The following TBC1D10A variants were observed in gnomAD, a reference collection of about 807,000 sequenced individuals.
The protein encoded by TBC1D10A is EBP50-PDX interactor of 64 kDa.
A neutral mutation model predicts 52.9 loss-of-function variants in TBC1D10A; 24 were observed. That is an observed-to-expected ratio of 0.45 (90% confidence interval 0.33 to 0.64). The LOEUF is 0.64. Ranked by LOEUF, TBC1D10A falls within the 30% of genes least tolerant of loss-of-function variation. The pLI, the probability that TBC1D10A is intolerant of heterozygous loss-of-function variation, is 0.02. For synonymous variants in TBC1D10A, 278 were observed against 282.9 expected, an observed-to-expected ratio of 0.98 and a Z score of 0.17; for missense variants, 602 against 687.9, an observed-to-expected ratio of 0.88 and a Z score of 1.40.
In TBC1D10A at chr22:30,326,871, C is replaced by T. The variant is rs1400930502; in HGVS notation, c.11G>A (p.Ser4Asn). The stretch of plus-strand genomic sequence containing the variant: ...CGCGCGCGGCCCATTCTCTCCGTTG[C>T]TCTTCGCCATCCCAGCCGCGCCCGC... Reference protein sequence around the residue: MAKSNGENGPRAPA... With the variant: MAKNNGENGPRAPA... Residue 4 changes from serine to asparagine, a missense_variant, in exon 1 of 9, where the codon AGC becomes AAC. Around this residue, in one of 3 missense-constraint regions of TBC1D10A, gnomAD observed 201 missense variants for 204.4 expected, o/e 0.98. Coordinates refer to ENST00000215790, the MANE Select transcript of TBC1D10A (RefSeq NM_031937.3). 5 of 1,505,120 alleles carry T rather than the reference C, an allele frequency of 3.3e-6. No homozygotes were observed. The East Asian group carries it at 1.1e-4, about 34-fold the overall frequency. 93.2% of individuals were successfully genotyped at this position (1,505,120 alleles called of 1,614,324 possible).
chr22:30,323,396 G>A lies in TBC1D10A; in HGVS notation c.209+3277C>T, dbSNP rs192400496. Among the ~76,000 whole-genome samples, 29 of 152,312 alleles carry A rather than the reference G, an allele frequency of 1.9e-4. 1 individual carries two copies. The East Asian group carries it at 3.5e-3, about 18-fold the overall frequency. ...AGCCTCATATACTGCTGAGAGAGTC[G>A]AAAGTGCTGAGCTAAGTCAGGGAAG... On this transcript the variant is annotated intron_variant, in intron 1 of 8. Coordinates refer to ENST00000215790, the MANE Select transcript of TBC1D10A (RefSeq NM_031937.3).
In TBC1D10A at chr22:30,326,726, C is replaced by T; in HGVS notation, c.156G>A (p.Glu52=). The T allele has an allele frequency of 6.5e-7, 1 of 1,543,064 alleles. No homozygotes were observed. Among genetic ancestry groups the T allele is most frequent in the South Asian group, 1.2e-5 (1 of 85,950 alleles). Residue 52 remains glutamate, a synonymous_variant, in exon 1 of 9, where the codon GAG becomes GAA. Coordinates refer to ENST00000215790, the MANE Select transcript of TBC1D10A (RefSeq NM_031937.3). ...GSDSEANGFA[E]RRIDKFGFIV... Reference sequence around the variant, plus strand: ...TGAAGCCGAACTTGTCGATGCGGCGCTCGGCGAAGCCGTTGGCCTCCGAGT... The same window carrying T: ...TGAAGCCGAACTTGTCGATGCGGCGTTCGGCGAAGCCGTTGGCCTCCGAGT...
At chr22:30,322,133 C>T (rs142806161) in intron 1 of TBC1D10A, among the ~76,000 whole-genome samples, 1 of 152,232 alleles carries the variant, frequency 6.6e-6, no homozygotes, top group East Asian at 1.9e-4. Context: ...GCGTGAGCCA[C>T]TACCGCCTGG....
At chr22:30,325,427 G>A (rs1387062875) in intron 1 of TBC1D10A, among the ~76,000 whole-genome samples, 1 of 152,220 alleles carries the variant, frequency 6.6e-6, no homozygotes, top group Non-Finnish European at 1.5e-5. Context: ...ATTGGTCAGA[G>A]AAAGGGAGAA....
intron 1 of TBC1D10A, among the ~76,000 whole-genome samples, chr22:30,316,177 A>G (rs1930531752): frequency 6.6e-6 from 1 of 152,210 alleles, no homozygotes; most frequent in Admixed American, 6.5e-5. Flanking sequence ...CCTGAGGGAC[A>G]CCGATCCTGC....
Position 30,324,612 on chromosome 22 carries a change from C to T in TBC1D10A, c.209+2061G>A, listed in dbSNP as rs1453125229. On this transcript the variant is annotated intron_variant, in intron 1 of 8. Transcript: ENST00000215790. ...TGGGGCCTCACTCTGCCCACAAATA[C>T]CAGAGATATGCCCTCATTTTTCTCT... 2.0e-5 allele frequency among the ~76,000 whole-genome samples: 3 copies of T among 152,146 alleles called. No individual in the cohort carries two copies. The East Asian group carries it at 5.8e-4, about 29-fold the overall frequency.
chr22:30,313,764 G>A (rs563807101), intron 1 of TBC1D10A, among the ~76,000 whole-genome samples: 1 of 151,690 alleles, frequency 6.6e-6, no homozygotes, highest in Non-Finnish European at 1.5e-5. Context: ...ATTTCATTAA[G>A]TGTTGTCAGC....
At chr22:30,299,139 A>C (rs539667746) in intron 3 of TBC1D10A, 1 of 284,646 alleles carries the variant, frequency 3.5e-6, no homozygotes, top group Admixed American at 5.2e-5. Context: ...TAGCCTACTG[A>C]GCCCAGGAAA....
intron 1 of TBC1D10A, among the ~76,000 whole-genome samples, chr22:30,323,261 C>T (rs2048221540): frequency 1.3e-5 from 2 of 152,332 alleles, no homozygotes; most frequent in South Asian, 2.1e-4. Context: ...ATTACTCCAC[C>T]GCAGGCCTGA....
chr22:30,318,530 G>C (rs1252278722), intron 1 of TBC1D10A: 7 of 449,784 alleles, frequency 1.6e-5, no homozygotes, highest in Non-Finnish European at 2.3e-5. Flanking sequence ...TGACAACGCA[G>C]AGTCACAGCA....
In TBC1D10A at chr22:30,292,432, G is replaced by A; in HGVS notation, c.1470C>T (p.Ala490=). Residue 490 remains alanine, a synonymous_variant, in exon 9 of 9, where the codon GCC becomes GCT. Transcript: ENST00000215790. ...TCAAGCTCTCCTGGGAGCGGTGGTG[G>A]GCTGAGACCTGGGGAGCCAAATCCT... is the stretch of plus-strand genomic sequence containing the variant. The part of the protein sequence containing the change: ...APQDLAPQVS[A]HHRSQESLTS... 6.3e-7 allele frequency: 1 copy of A among 1,597,402 alleles called. No individual in the cohort carries two copies. The highest frequency in any genetic ancestry group is 8.5e-7 in the Non-Finnish European group (1 of 1,170,830).
At chr22:30,312,876 G>T (rs755381036) in intron 1 of TBC1D10A, among the ~76,000 whole-genome samples, 1 of 152,146 alleles carries the variant, frequency 6.6e-6, no homozygotes, top group Non-Finnish European at 1.5e-5. Flanking sequence ...CTACAAAGAT[G>T]AATAAAATGT....
At position 30,292,722 on chromosome 22, in the gene TBC1D10A, A is replaced by G. The variant is rs1315579990; in HGVS notation, c.1180T>C (p.Leu394=). Residue 394 remains leucine, a synonymous_variant, in exon 9 of 9, where the codon TTG becomes CTG. Transcript: ENST00000215790. ...PPRLHGAKAI[L]DAEPGPRPAL... ...GGCCGGGGACCAGGTTCTGCATCCA[A>G]GATAGCCTTGGCACCATGCAGCCTG... 1.2e-6 allele frequency: 2 copies of G among 1,610,412 alleles called. No individual in the cohort carries two copies. The highest frequency in any genetic ancestry group is 1.7e-5 in the Admixed American group (1 of 59,804).
chr22:30,296,202 G>A lies in TBC1D10A; in HGVS notation c.418-359C>T, dbSNP rs951826493. 7.5e-5 allele frequency: 16 copies of A among 214,520 alleles called. No homozygotes were observed. In the South Asian group the frequency reaches 1.1e-3, roughly 15 times the overall value. 13.3% of individuals were successfully genotyped at this position (214,520 alleles called of 1,614,324 possible). On this transcript the variant is annotated intron_variant, in intron 3 of 8. Coordinates refer to ENST00000215790, the MANE Select transcript of TBC1D10A (RefSeq NM_031937.3). The stretch of plus-strand genomic sequence containing the variant: ...CAGAAGGCTGCTTCTCTGAGCAATA[G>A]CTACCAGCTGTTCCCACTTCTCTGA...
chr22:30,308,836 C>T (rs770225334), intron 1 of TBC1D10A, among the ~76,000 whole-genome samples: 63 of 152,332 alleles, frequency 4.1e-4, no homozygotes, highest in Middle Eastern at 3.4e-3. Flanking sequence ...GTACGTGTCC[C>T]TCTAATAGCC....
chr22:30,315,083 G>A (rs1375136564), intron 1 of TBC1D10A, among the ~76,000 whole-genome samples: 3 of 152,170 alleles, frequency 2.0e-5, no homozygotes, highest in Non-Finnish European at 4.4e-5. Context: ...ATGACTCAGC[G>A]AGGAACTCAT....
At position 30,326,907 on chromosome 22, in the gene TBC1D10A, C is replaced by G. The variant is rs755828816; in HGVS notation, c.-26G>C. 3.1e-5 allele frequency: 45 copies of G among 1,448,776 alleles called. No individual in the cohort carries two copies. The African/African-American group carries it at 6.4e-4, about 21-fold the overall frequency. 89.7% of individuals were successfully genotyped at this position (1,448,776 alleles called of 1,614,324 possible). ...CCCAGCCGCGCCCGCCGCCTGAGCT[C>G]CAGCGGCCACCTCAGCCGCCCTGCT... On this transcript the variant is annotated 5_prime_UTR_variant, in exon 1 of 9. Coordinates refer to ENST00000215790, the MANE Select transcript of TBC1D10A (RefSeq NM_031937.3).
intron 1 of TBC1D10A, among the ~76,000 whole-genome samples, chr22:30,322,570 G>A (rs1366386972): frequency 6.8e-6 from 1 of 147,974 alleles, no homozygotes; most frequent in African/African-American, 2.5e-5. Flanking sequence ...TATGCTGATG[G>A]CCATCTCTAA....
At position 30,304,549 on chromosome 22, in the gene TBC1D10A, C is replaced by T. The variant is rs1930271453; in HGVS notation, c.291G>A (p.Met97Ile). 6.2e-7 allele frequency: 1 copy of T among 1,613,998 alleles called. No individual in the cohort carries two copies. The highest frequency in any genetic ancestry group is 1.3e-5 in the African/African-American group (1 of 74,940). The part of the protein sequence containing the change: ...LDMLNNWDKW[M>I]AKKHKKIRLR... ...CCCTCACCTTTTTGTGCTTCTTGGC[C>T]ATCCATTTGTCCCAGTTGTTGAGCA... The change falls in exon 2 of 9, where the codon ATG becomes ATA. Residue 97 changes from methionine (M) to isoleucine (I), a missense_variant. Met to Ile is a conservative substitution (Grantham distance 10). Transcript: ENST00000215790.
Sources: allele counts gnomAD v4.1 joint callset (sites outside exome capture counted in the v4.1 genomes callset), GRCh38; gene constraint gnomAD v4.1.1; regional missense constraint gnomAD v4.1.1; transcripts MANE v1.5; gene names NCBI Gene and HGNC (gene_info 2026-07-23, HGNC 2026-07-21).